The following TICAM1 variants were observed in gnomAD, a reference collection of about 807,000 sequenced individuals.
TICAM1 encodes TIR domain containing adaptor molecule 1.
For synonymous variants in TICAM1, 439 were observed against 415.4 expected (o/e 1.06, Z -0.69); for missense variants, 895 against 938.2 (o/e 0.95, Z 0.60).
At position 4,831,152 on chromosome 19, in the gene TICAM1, C is replaced by T. The variant is rs539090100; in HGVS notation, c.-140+462G>A. 1.2e-4 allele frequency among the ~76,000 whole-genome samples: 17 copies of T among 147,568 alleles called. No homozygotes were observed. In the South Asian group the frequency reaches 2.6e-3, roughly 23 times the overall value. ...TGTCAGAGAGGGGTCCTGGGTGTCA[C>T]GGAGGAATTTGGGGTATCAGGGAGG... On this transcript the variant is annotated intron_variant, in intron 1 of 1. Transcript: ENST00000248244.
At position 4,817,880 on chromosome 19, in the gene TICAM1, T is replaced by G; in HGVS notation, c.498A>C (p.Pro166=). The G allele has an allele frequency of 6.2e-7, 1 of 1,613,598 alleles. No homozygotes were observed. The highest frequency in any genetic ancestry group is 8.5e-7 in the Non-Finnish European group (1 of 1,179,900). The part of the protein sequence containing the change: ...RTLQSNLGCL[P]PSSALPSGTR... ...TCCCAGAGGGCAAAGCCGAGGATGG[T>G]GGGAGGCAGCCCAGATTGGACTGGA... Residue 166 remains proline, a synonymous_variant, in exon 2 of 2, where the codon CCA becomes CCC. Transcript: ENST00000248244. The surrounding 1 kb of genome is among the most constrained non-coding windows in gnomAD (Gnocchi z 4.7).
intron 1 of TICAM1, among the ~76,000 whole-genome samples, chr19:4,829,458 C>T (rs1258873750): frequency 7.0e-6 from 1 of 143,708 alleles, no homozygotes; most frequent in African/African-American, 2.5e-5. Context: ...TTTCATTTCT[C>T]ACTGTCCATG....
At chr19:4,823,397 G>A (rs1358296224) in intron 1 of TICAM1, among the ~76,000 whole-genome samples, 12 of 151,132 alleles carry the variant, frequency 7.9e-5, no homozygotes, top group Admixed American at 6.6e-4. Flanking sequence ...CCTGGGAGGC[G>A]GAGCTTACAT....
In TICAM1 at chr19:4,818,573, G is replaced by A; in HGVS notation, c.-139-57C>T. 8.1e-7 allele frequency: 1 copy of A among 1,231,988 alleles called. No homozygotes were observed. The highest frequency in any genetic ancestry group is 2.9e-5 in the East Asian group (1 of 34,568). The allele number at this position is 1,231,988 out of a possible 1,614,324, so 76.3% of individuals were successfully genotyped here. On this transcript the variant is annotated intron_variant, in intron 1 of 1. Coordinates refer to ENST00000248244, the MANE Select transcript of TICAM1 (RefSeq NM_182919.4). The surrounding 1 kb of genome is among the most constrained non-coding windows in gnomAD (Gnocchi z 4.0). ...CCCCCAAGAAAGGTCAGCACGGGAA[G>A]GCGGCCCACACACCCCCGCCTGCTT...
rs760807669 is a variant in TICAM1 at position 4,817,651 on chromosome 19, C to T, written c.727G>A (p.Val243Ile). The change falls in exon 2 of 2, where the codon GTC becomes ATC. Residue 243 changes from valine to isoleucine, a missense_variant. Transcript: ENST00000248244. This position sits in a 1 kb window ranked among gnomAD's most constrained non-coding sequence, Gnocchi z 4.7. ...DPQASLVPEP[V>I]PGGCQEPEEM... ...TCAGGCTCCTGGCAGCCACCGGGGA[C>T]AGGCTCGGGCACCAAGCTGGCCTGG... is the stretch of plus-strand genomic sequence containing the variant. 2 of 1,582,044 alleles carry T rather than the reference C, an allele frequency of 1.3e-6. No homozygotes were observed. Among genetic ancestry groups the T allele is most frequent in the Non-Finnish European group, 1.7e-6 (2 of 1,164,464 alleles).
At position 4,826,335 on chromosome 19, in the gene TICAM1, A is replaced by T. The variant is rs146814671; in HGVS notation, c.-140+5279T>A. Among the ~76,000 whole-genome samples, 556 of 149,292 alleles carry T rather than the reference A, an allele frequency of 3.7e-3. 3 individuals carry two copies. Among genetic ancestry groups the T allele is most frequent in the African/African-American group, 0.012 (481 of 39,850 alleles). The stretch of plus-strand genomic sequence containing the variant: ...TATATATATTTATTTATTTATTTAT[A>T]TATTTTGGAGATGGAGTCTTGCTCC... On this transcript the variant is annotated intron_variant, in intron 1 of 1. Transcript: ENST00000248244.
chr19:4,827,636 T>C (rs2093607823), intron 1 of TICAM1, among the ~76,000 whole-genome samples: 2 of 150,754 alleles, frequency 1.3e-5, no homozygotes, highest in East Asian at 2.0e-4. Context: ...CGGGCACCTG[T>C]ACTCCCAGCT....
rs1159934482 is a variant in TICAM1, at chr19:4,818,689, GGC to G, written c.-139-175_-139-174del. Among the ~76,000 whole-genome samples, 1 of 152,210 alleles carries G rather than the reference GGC, an allele frequency of 6.6e-6. No individual in the cohort carries two copies. The highest frequency in any genetic ancestry group is 1.5e-5 in the Non-Finnish European group (1 of 68,046). ...TTTCTTCCTCTGCAAAATGCTATGAGGCCAGTGTGGTGGCTCAGGCCTGTGAT... is the reference window on the plus strand; with the variant it reads ...TTTCTTCCTCTGCAAAATGCTATGAGCAGTGTGGTGGCTCAGGCCTGTGAT... On this transcript the variant is annotated intron_variant, in intron 1 of 1. Coordinates refer to ENST00000248244, the MANE Select transcript of TICAM1 (RefSeq NM_182919.4). This position sits in a 1 kb window ranked among gnomAD's most constrained non-coding sequence, Gnocchi z 4.0.
intron 1 of TICAM1, among the ~76,000 whole-genome samples, chr19:4,819,752 G>A (rs1482718806): frequency 3.3e-5 from 5 of 152,076 alleles, no homozygotes; most frequent in African/African-American, 1.2e-4. Context: ...GTCCGCGCCT[G>A]TAGTCCCAGC....
In TICAM1 at chr19:4,817,743, G is replaced by C. The variant is rs1222745582; in HGVS notation, c.635C>G (p.Ser212Cys). The C allele has an allele frequency of 6.2e-7, 1 of 1,602,322 alleles. No homozygotes were observed. Among genetic ancestry groups the C allele is most frequent in the South Asian group, 1.1e-5 (1 of 90,280 alleles). Residue 212 changes from serine to cysteine, a missense_variant, in exon 2 of 2, where the codon TCC becomes TGC. Transcript: ENST00000248244. This position sits in a 1 kb window ranked among gnomAD's most constrained non-coding sequence, Gnocchi z 4.7. Reference protein sequence around the residue: ...SLASNLEISQSPTMPFLSLHR... With the variant: ...SLASNLEISQCPTMPFLSLHR... ...CAGGCTGAGGAAGGGCATGGTAGGGGACTGGCTGATTTCCAAGTTGCTGGC... is the reference window on the plus strand; with the variant it reads ...CAGGCTGAGGAAGGGCATGGTAGGGCACTGGCTGATTTCCAAGTTGCTGGC...
In TICAM1 at chr19:4,829,244, C is replaced by G. The variant is rs1054402178; in HGVS notation, c.-140+2370G>C. ...ACTCAGGGGAGTTTTGCAGAAAACA[C>G]GACAAAGCCAGCCAGACTTAGAATC... On this transcript the variant is annotated intron_variant, in intron 1 of 1. Transcript: ENST00000248244. 2.6e-5 allele frequency among the ~76,000 whole-genome samples: 4 copies of G among 152,322 alleles called. No homozygotes were observed. The Middle Eastern group carries it at 0.01, about 389-fold the overall frequency.
chr19:4,825,314 C>T (rs192027172), intron 1 of TICAM1, among the ~76,000 whole-genome samples: 6 of 152,160 alleles, frequency 3.9e-5, no homozygotes, highest in African/African-American at 7.2e-5. Context: ...CTATCAGGTA[C>T]GACAGTTATT....
intron 1 of TICAM1, among the ~76,000 whole-genome samples, chr19:4,820,292 C>T (rs534245148): frequency 4.6e-5 from 7 of 150,566 alleles, no homozygotes; most frequent in Admixed American, 2.7e-4. Context: ...TGGTGGCAGG[C>T]GCCTGTAATC....
chr19:4,821,349 T>C (rs1404014787), intron 1 of TICAM1, among the ~76,000 whole-genome samples: 3 of 152,152 alleles, frequency 2.0e-5, no homozygotes, highest in Non-Finnish European at 4.4e-5. Flanking sequence ...ATAAGCATCA[T>C]ATATATTACA....
At chr19:4,829,306 A>G (rs2093610403) in intron 1 of TICAM1, among the ~76,000 whole-genome samples, 1 of 152,064 alleles carries the variant, frequency 6.6e-6, no homozygotes, top group African/African-American at 2.4e-5. Context: ...ATGCCTGGCA[A>G]ATCTCTAAAA....
At chr19:4,830,220 T>G (rs2093611921) in intron 1 of TICAM1, among the ~76,000 whole-genome samples, 1 of 152,056 alleles carries the variant, frequency 6.6e-6, no homozygotes, top group Admixed American at 6.6e-5. Context: ...CCCGAGTAGC[T>G]GGGACTACAG....
At position 4,817,530 on chromosome 19, in the gene TICAM1, GT is replaced by G; in HGVS notation, c.847del (p.Thr283ProfsTer56). 6.2e-7 allele frequency: 1 copy of G among 1,613,698 alleles called. No homozygotes were observed. The highest frequency in any genetic ancestry group is 1.1e-5 in the South Asian group (1 of 91,070). ...PGLPEVAPDA[T>X]STGLPDTPAA... ...GGGGGTATCAGGGAGGCCAGTGGAG[GT>G]TGCATCTGGGGCCACTTCGGGAAGC... On this transcript the variant is annotated frameshift_variant, in exon 2 of 2. Transcript: ENST00000248244. LOFTEE classifies it low-confidence loss of function (END_TRUNC). This position sits in a 1 kb window ranked among gnomAD's most constrained non-coding sequence, Gnocchi z 4.7.
At position 4,817,663 on chromosome 19, in the gene TICAM1, C is replaced by T. The variant is rs2093589389; in HGVS notation, c.715G>A (p.Val239Met). 6.3e-7 allele frequency: 1 copy of T among 1,581,554 alleles called. No individual in the cohort carries two copies. The highest frequency in any genetic ancestry group is 8.6e-7 in the Non-Finnish European group (1 of 1,164,270). Reference protein sequence around the residue: ...KLCDDPQASLVPEPVPGGCQE... With the variant: ...KLCDDPQASLMPEPVPGGCQE... ...CAGCCACCGGGGACAGGCTCGGGCA[C>T]CAAGCTGGCCTGGGGGTCGTCACAG... Residue 239 changes from valine (V) to methionine (M), a missense_variant, in exon 2 of 2, where the codon GTG becomes ATG. Transcript: ENST00000248244. This position sits in a 1 kb window ranked among gnomAD's most constrained non-coding sequence, Gnocchi z 4.7.
chr19:4,829,323 G>A (rs2093610436), intron 1 of TICAM1, among the ~76,000 whole-genome samples: 1 of 142,566 alleles, frequency 7.0e-6, no homozygotes, highest in Admixed American at 7.2e-5. Context: ...AAAATCACGT[G>A]GTCTTTCTTC....
Sources: gnomAD v4.1 joint callset for allele counts (sites outside exome capture counted in the v4.1 genomes callset) on GRCh38, gnomAD v4.1.1 for gene constraint, Gnocchi (gnomAD v3.1) non-coding constraint, MANE v1.5 for transcripts, NCBI Gene and HGNC (gene_info 2026-07-23, HGNC 2026-07-21) for gene names.